CACUL1: variants seen among roughly 807,000 people sequenced by gnomAD.
CACUL1 encodes the protein CDK2-associated and cullin domain-containing protein 1.
Under a neutral mutation model 45.2 loss-of-function variants are expected in CACUL1, and 13 were observed. The ratio of observed to expected loss-of-function variants is 0.29; its 90% CI spans 0.19 to 0.46. The LOEUF (loss-of-function observed/expected upper bound fraction) is 0.46. CACUL1 is among the 20% of genes least tolerant of loss of function. CACUL1 has a pLI of 1.00. For missense variants in CACUL1, 421 were observed against 471.4 expected (o/e 0.89, Z 0.99); for synonymous variants, 197 against 174.2 (o/e 1.13, Z -1.03).
intron 4 of CACUL1, among the ~76,000 whole-genome samples, chr10:118,703,696 C>T (rs1845406757): frequency 6.6e-6 from 1 of 152,144 alleles, no homozygotes; most frequent in African/African-American, 2.4e-5. Context: ...GTGTGAGAAG[C>T]TTGTTTCTTT....
intron 6 of CACUL1, chr10:118,693,750 CTAAA>C: frequency 2.2e-6 from 1 of 456,742 alleles, no homozygotes; most frequent in Middle Eastern, 3.2e-4. Flanking sequence ...TTCTGAGAAA[CTAAA>C]TACAGAAAAG....
At chr10:118,740,016 A>C (rs756807680) in intron 1 of CACUL1, among the ~76,000 whole-genome samples, 1 of 152,114 alleles carries the variant, frequency 6.6e-6, no homozygotes, top group African/African-American at 2.4e-5. Context: ...GTGTGGTGGC[A>C]TGCGCCTATA....
At position 118,715,509 on chromosome 10, in the gene CACUL1, T is replaced by A. The variant is rs1200629173; in HGVS notation, c.598-7922A>T. ...TCTGTGGTGATGGGAATGTTCTAAA[T>A]CTGCACTGTCCACTATGGTAACCAC... On this transcript the variant is annotated intron_variant, in intron 3 of 8. Transcript: ENST00000369151. Among the ~76,000 whole-genome samples, 4 of 152,342 alleles carry A rather than the reference T, an allele frequency of 2.6e-5. No individual in the cohort carries two copies. In the East Asian group the frequency reaches 7.7e-4, roughly 29 times the overall value.
chr10:118,698,305 G>A (rs375837327), intron 5 of CACUL1, among the ~76,000 whole-genome samples: 30 of 151,734 alleles, frequency 2.0e-4, no homozygotes, highest in African/African-American at 2.4e-4. Context: ...CACCACACCC[G>A]GCTAATTTTT....
In CACUL1 at chr10:118,686,038, G is replaced by A. The variant is rs1480331218; in HGVS notation, c.*90C>T. ...AACAGCTTTGTGACAGAGCTCCTGA[G>A]TGTGTGCAGCCCCCACTGTGCTCTG... is the stretch of plus-strand genomic sequence containing the variant. On this transcript the variant is annotated 3_prime_UTR_variant, in exon 9 of 9. Coordinates refer to ENST00000369151, the MANE Select transcript of CACUL1 (RefSeq NM_153810.5). 41 of 847,608 alleles carry A rather than the reference G, an allele frequency of 4.8e-5. No homozygotes were observed. Among genetic ancestry groups the A allele is most frequent in the Non-Finnish European group, 7.2e-5 (37 of 514,040 alleles). The allele number at this position is 847,608 out of a possible 1,614,324, so 52.5% of individuals were successfully genotyped here.
At chr10:118,746,000 A>G (rs1468730168) in intron 1 of CACUL1, among the ~76,000 whole-genome samples, 1 of 151,568 alleles carries the variant, frequency 6.6e-6, no homozygotes, top group Non-Finnish European at 1.5e-5. Flanking sequence ...AAAAAAAAAA[A>G]AATTAGCTGG....
rs1482544799 is a variant in CACUL1, at chr10:118,726,321, T to C, written c.597+2974A>G. Reference sequence around the variant, plus strand: ...AGTAGTGGTCATCTGAAGCTAATTATGCTACTCTTTCCATTAGTACAGGTC... The same window carrying C: ...AGTAGTGGTCATCTGAAGCTAATTACGCTACTCTTTCCATTAGTACAGGTC... On this transcript the variant is annotated intron_variant, in intron 3 of 8. Coordinates refer to ENST00000369151, the MANE Select transcript of CACUL1 (RefSeq NM_153810.5). The C allele has an allele frequency of 2.3e-6, 3 of 1,288,292 alleles. No homozygotes were observed. In the Admixed American group the frequency reaches 6.9e-5, roughly 30 times the overall value. 79.8% of individuals were successfully genotyped at this position (1,288,292 alleles called of 1,614,324 possible). A position where few individuals can be genotyped will look rare whatever the true frequency, so the allele number is the denominator to read the frequency against.
At chr10:118,706,629 T>C (rs1326355467) in intron 4 of CACUL1, among the ~76,000 whole-genome samples, 1 of 152,244 alleles carries the variant, frequency 6.6e-6, no homozygotes, top group Non-Finnish European at 1.5e-5. Flanking sequence ...GAAAAGGCTT[T>C]TTATACATTT....
intron 1 of CACUL1, among the ~76,000 whole-genome samples, chr10:118,731,948 T>G (rs1465036125): frequency 6.6e-6 from 1 of 151,740 alleles, no homozygotes; most frequent in Non-Finnish European, 1.5e-5. Context: ...AATAAAGGAG[T>G]GTTTTGACTA....
chr10:118,715,658 C>T (rs970728445), intron 3 of CACUL1, among the ~76,000 whole-genome samples: 1 of 152,132 alleles, frequency 6.6e-6, no homozygotes, highest in Admixed American at 6.5e-5. Context: ...AAAATACAAA[C>T]GAGTTCTACA....
chr10:118,751,023 C>T (rs888161657), intron 1 of CACUL1, among the ~76,000 whole-genome samples: 2 of 152,170 alleles, frequency 1.3e-5, no homozygotes, highest in African/African-American at 4.8e-5. Context: ...ATATGCATGT[C>T]TCTGAATATT....
intron 1 of CACUL1, among the ~76,000 whole-genome samples, chr10:118,738,907 A>AG (rs2119661254): frequency 6.7e-6 from 1 of 149,446 alleles, no homozygotes; most frequent in East Asian, 1.9e-4. Flanking sequence ...AAAAAAAAAA[A>AG]AAAAAAAAGC....
chr10:118,743,707 C>T (rs1845813354), intron 1 of CACUL1, among the ~76,000 whole-genome samples: 1 of 151,318 alleles, frequency 6.6e-6, no homozygotes, highest in African/African-American at 2.4e-5. Flanking sequence ...CCAGCCTGGG[C>T]AACAAGACGG....
At chr10:118,736,754 T>C (rs1447892306) in intron 1 of CACUL1, among the ~76,000 whole-genome samples, 1 of 152,178 alleles carries the variant, frequency 6.6e-6, no homozygotes, top group Non-Finnish European at 1.5e-5. Flanking sequence ...CCCACACAAC[T>C]TCCAGTCTTG....
intron 3 of CACUL1, among the ~76,000 whole-genome samples, chr10:118,727,068 TTATATCA>T (rs1248873561): frequency 3.3e-5 from 5 of 152,154 alleles, no homozygotes; most frequent in African/African-American, 1.2e-4. Context: ...TTCCCTGGTT[TTATATCA>T]TATATCACCC....
At position 118,683,496 on chromosome 10, in the gene CACUL1, C is replaced by G. The variant is rs2119533914; in HGVS notation, c.*2632G>C. On this transcript the variant is annotated 3_prime_UTR_variant, in exon 9 of 9. Transcript: ENST00000369151. ...CTTGAGGTCAGGAGTTCAAGACCAG[C>G]CTGACCAACATGGTGAAACCCCGTC... is the stretch of plus-strand genomic sequence containing the variant. 1 of 151,636 alleles carries G rather than the reference C, an allele frequency of 6.6e-6. No individual in the cohort carries two copies. Among genetic ancestry groups the G allele is most frequent in the South Asian group, 2.1e-4 (1 of 4,786 alleles). The allele number at this position is 151,636 out of a possible 1,614,324, so 9.4% of individuals were successfully genotyped here.
At chr10:118,687,144 G>A (rs1043244809) in intron 7 of CACUL1, among the ~76,000 whole-genome samples, 1 of 151,954 alleles carries the variant, frequency 6.6e-6, no homozygotes, top group Non-Finnish European at 1.5e-5. Flanking sequence ...TCCTTTTGAG[G>A]TCTCCTTTGC....
At chr10:118,686,290 A>G in intron 8 of CACUL1, 122 bp from the exon 9 acceptor site, 1 of 838,192 alleles carries the variant, frequency 1.2e-6, no homozygotes, top group South Asian at 1.6e-5. Flanking sequence ...AGGCTTAAAA[A>G]AAATCCTCAA....
intron 1 of CACUL1, among the ~76,000 whole-genome samples, chr10:118,736,387 T>C (rs1845741228): frequency 6.6e-6 from 1 of 151,744 alleles, no homozygotes; most frequent in Admixed American, 6.6e-5. Flanking sequence ...TTATTATTTA[T>C]AATTTTTTTT....
Sources: gnomAD v4.1 joint callset for allele counts (sites outside exome capture counted in the v4.1 genomes callset) on GRCh38, gnomAD v4.1.1 for gene constraint, MANE v1.5 for transcripts, NCBI Gene and HGNC (gene_info 2026-07-23, HGNC 2026-07-21) for gene names.